KCNA5: variants seen among roughly 807,000 people sequenced by gnomAD.
KCNA5 encodes the protein potassium voltage-gated channel subfamily A member 5, also known as cardiac potassium channel.
A neutral mutation model predicts 26.5 loss-of-function variants in KCNA5; 22 were observed. The observed-to-expected ratio is 0.83, with a 90% CI of 0.59 to 1.18. KCNA5 has a LOEUF of 1.18. KCNA5 is among the 50% of genes most tolerant of loss of function. KCNA5 has a pLI of 0.00. For synonymous variants in KCNA5, 465 were observed against 372.8 expected, an observed-to-expected ratio of 1.25 and a Z score of -2.85; for missense variants, 916 against 843.2, an observed-to-expected ratio of 1.09 and a Z score of -1.07.
rs972478465 is a variant in KCNA5, at chr12:5,044,265, G to A, written c.118G>A (p.Ala40Thr). The A allele has an allele frequency of 2.6e-6, 4 of 1,542,606 alleles. No individual in the cohort carries two copies. The highest frequency in any genetic ancestry group is 1.9e-5 in the Admixed American group (1 of 51,380). ...GGGAGAGCTCCAGTGTCCCCCGACG[G>A]CTGGGCTCAGCGATGGGCCCAAGGA... ...TGGELQCPPT[A>T]GLSDGPKEPA... The change falls in exon 1 of 1, where the codon GCT becomes ACT. Residue 40 changes from alanine (A) to threonine (T), a missense_variant. Physicochemically the swap from Ala to Thr is moderately conservative, Grantham distance 58. Transcript: ENST00000252321.
Position 5,044,046 on chromosome 12 carries a change from C to T in KCNA5, c.-102C>T, listed in dbSNP as rs982590602. On this transcript the variant is annotated 5_prime_UTR_variant, in exon 1 of 1. Coordinates refer to ENST00000252321, the MANE Select transcript of KCNA5 (RefSeq NM_002234.4). ...CCAGCTCTCCCCAGAGAGGGGCCGG[C>T]CGACCGCTGGAGCGGAGCCTGACGC... is the stretch of plus-strand genomic sequence containing the variant. The T allele has an allele frequency of 1.5e-6, 2 of 1,354,708 alleles. No homozygotes were observed. The highest frequency in any genetic ancestry group is 1.0e-6 in the Non-Finnish European group (1 of 991,746). The allele number at this position is 1,354,708 out of a possible 1,614,324, so 83.9% of individuals were successfully genotyped here.
At position 5,044,216 on chromosome 12, in the gene KCNA5, G is replaced by A; in HGVS notation, c.69G>A (p.Arg23=). The stretch of plus-strand genomic sequence containing the variant: ...CCGTCAGAGGAGGCGATGAGGCCCG[G>A]GCAGGCTGCGGCCAGGCCACAGGGG... ...AMTVRGGDEA[R]AGCGQATGGE... is the part of the protein sequence containing the mutation. Residue 23 remains arginine, a synonymous_variant, in exon 1 of 1, where the codon CGG becomes CGA. Coordinates refer to ENST00000252321, the MANE Select transcript of KCNA5 (RefSeq NM_002234.4). The A allele has an allele frequency of 9.1e-6, 14 of 1,537,792 alleles. No homozygotes were observed. Among genetic ancestry groups the A allele is most frequent in the Non-Finnish European group, 1.2e-5 (14 of 1,146,840 alleles).
rs1269013277 is a variant in KCNA5, at chr12:5,044,887, G to A, written c.740G>A (p.Gly247Glu). 6.2e-7 allele frequency: 1 copy of A among 1,613,896 alleles called. No individual in the cohort carries two copies. Among genetic ancestry groups the A allele is most frequent in the African/African-American group, 1.3e-5 (1 of 75,004 alleles). ...WLIFEYPESSGSARAIAIVSV... is the reference protein window; with the variant it reads ...WLIFEYPESSESARAIAIVSV... ...ATCTTCGAGTATCCGGAGAGCTCTG[G>A]GTCCGCGCGGGCCATCGCCATCGTC... The change falls in exon 1 of 1, where the codon GGG becomes GAG. Residue 247 changes from glycine (G) to glutamate (E), a missense_variant. Transcript: ENST00000252321.
chr12:5,044,713 T>A lies in KCNA5; in HGVS notation c.566T>A (p.Val189Asp). The A allele has an allele frequency of 6.2e-7, 1 of 1,614,098 alleles. No homozygotes were observed. Among genetic ancestry groups the A allele is most frequent in the Non-Finnish European group, 8.5e-7 (1 of 1,180,010 alleles). Residue 189 changes from valine to aspartate, a missense_variant, in exon 1 of 1, where the codon GTC becomes GAC. Coordinates refer to ENST00000252321, the MANE Select transcript of KCNA5 (RefSeq NM_002234.4). Reference protein sequence around the residue: ...YQSGGRLRRPVNVSLDVFADE... With the variant: ...YQSGGRLRRPDNVSLDVFADE... ...TCCGGGGGCCGCCTGCGGAGGCCGGTCAACGTCTCCCTGGACGTGTTCGCG... is the reference window on the plus strand; with the variant it reads ...TCCGGGGGCCGCCTGCGGAGGCCGGACAACGTCTCCCTGGACGTGTTCGCG...
In KCNA5 at chr12:5,044,456, CCTGGGCACGGTGGAGGACCAGGCT is replaced by C. The variant is rs766027953; in HGVS notation, c.320_343del (p.Val107_Thr114del). On this transcript the variant is annotated inframe_deletion, in exon 1 of 1. Transcript: ENST00000252321. Reference sequence around the variant, plus strand: ...ACGAGGAGGAAGAAGGCGATCCCGGCCTGGGCACGGTGGAGGACCAGGCTCTGGGCACGGCGTCCCTGCACCACC... The same window carrying C: ...ACGAGGAGGAAGAAGGCGATCCCGGCCTGGGCACGGCGTCCCTGCACCACC... The C allele has an allele frequency of 6.2e-7, 1 of 1,610,980 alleles. No individual in the cohort carries two copies. Among genetic ancestry groups the C allele is most frequent in the Admixed American group, 1.7e-5 (1 of 59,944 alleles).
rs768740011 is a variant in KCNA5, at chr12:5,045,554, C to A, written c.1407C>A (p.Asp469Glu). ...NQGTHFSSIPDAFWWAVVTMT... is the reference protein window; with the variant it reads ...NQGTHFSSIPEAFWWAVVTMT... ...GAACCCATTTCTCTAGCATCCCTGA[C>A]GCCTTCTGGTGGGCAGTGGTCACCA... The change falls in exon 1 of 1, where the codon GAC becomes GAA. Residue 469 changes from aspartate to glutamate, a missense_variant. By Grantham distance (45) the Asp-to-Glu change is conservative. Transcript: ENST00000252321. The surrounding 1 kb of genome is among the most constrained non-coding windows in gnomAD (Gnocchi z 5.6). 1.9e-6 allele frequency: 3 copies of A among 1,614,218 alleles called. No homozygotes were observed. The highest frequency in any genetic ancestry group is 1.1e-5 in the South Asian group (1 of 91,078).
At position 5,044,214 on chromosome 12, in the gene KCNA5, C is replaced by T. The variant is rs771419005; in HGVS notation, c.67C>T (p.Arg23Trp). ...AMTVRGGDEA[R>W]AGCGQATGGE... ...GACCGTCAGAGGAGGCGATGAGGCC[C>T]GGGCAGGCTGCGGCCAGGCCACAGG... The change falls in exon 1 of 1, where the codon CGG becomes TGG. Residue 23 changes from arginine to tryptophan, a missense_variant. By Grantham distance (101) the Arg-to-Trp change is moderately radical (BLOSUM62 -3). Transcript: ENST00000252321. 5 of 1,537,858 alleles carry T rather than the reference C, an allele frequency of 3.3e-6. No homozygotes were observed. Among genetic ancestry groups the T allele is most frequent in the African/African-American group, 2.7e-5 (2 of 73,158 alleles).
rs1862761117 is a variant in KCNA5 at position 5,045,161 on chromosome 12, GCTGCTCGTGCGCTTCTTCGC to G, written c.1019_1038del (p.Leu340ProfsTer112). On this transcript the variant is annotated frameshift_variant, in exon 1 of 1. Coordinates refer to ENST00000252321, the MANE Select transcript of KCNA5 (RefSeq NM_002234.4). LOFTEE classifies it high-confidence loss of function. This position sits in a 1 kb window ranked among gnomAD's most constrained non-coding sequence, Gnocchi z 5.6. ...CGTGCGTCATCTGGTTCACCTTCGA[GCTGCTCGTGCGCTTCTTCGC>G]CTGCCCCAGCAAGGCAGGGTTCTCC... 1 of 1,614,158 alleles carries G rather than the reference GCTGCTCGTGCGCTTCTTCGC, an allele frequency of 6.2e-7. No individual in the cohort carries two copies. The highest frequency in any genetic ancestry group is 1.7e-5 in the Admixed American group (1 of 60,032).
chr12:5,044,047 C>T lies in KCNA5; in HGVS notation c.-101C>T, dbSNP rs1862738760. 1 of 1,361,480 alleles carries T rather than the reference C, an allele frequency of 7.3e-7. No homozygotes were observed. 84.3% of individuals were successfully genotyped at this position (1,361,480 alleles called of 1,614,324 possible). A position where few individuals can be genotyped will look rare whatever the true frequency, so the allele number is the denominator to read the frequency against. ...CAGCTCTCCCCAGAGAGGGGCCGGC[C>T]GACCGCTGGAGCGGAGCCTGACGCC... On this transcript the variant is annotated 5_prime_UTR_variant, in exon 1 of 1. Coordinates refer to ENST00000252321, the MANE Select transcript of KCNA5 (RefSeq NM_002234.4).
rs17221812 is a variant in KCNA5 at position 5,045,742 on chromosome 12, C to T, written c.1595C>T (p.Pro532Leu). 356 of 1,614,114 alleles carry T rather than the reference C, an allele frequency of 2.2e-4. 1 individual carries two copies. In the African/African-American group the frequency reaches 4.0e-3, roughly 18 times the overall value. ...CACCGGGAAACGGATCACGAGGAGC[C>T]GGCAGTCCTTAAGGAAGAGCAGGGC... Reference protein sequence around the residue: ...FYHRETDHEEPAVLKEEQGTQ... With the variant: ...FYHRETDHEELAVLKEEQGTQ... Residue 532 changes from proline to leucine, a missense_variant, in exon 1 of 1, where the codon CCG becomes CTG. Coordinates refer to ENST00000252321, the MANE Select transcript of KCNA5 (RefSeq NM_002234.4). This position sits in a 1 kb window ranked among gnomAD's most constrained non-coding sequence, Gnocchi z 5.6.
rs547432787 is a variant in KCNA5 at position 5,044,096 on chromosome 12, G to T, written c.-52G>T. 5.8e-4 allele frequency: 893 copies of T among 1,529,390 alleles called. 3 individuals carry two copies. In the African/African-American group the frequency reaches 0.01, roughly 18 times the overall value. 94.7% of individuals were successfully genotyped at this position (1,529,390 alleles called of 1,614,324 possible). ...CCAGGCGCCCGCGGAGCGTGAGTAG[G>T]GGGCGCGGGAGCCGGTCAGCTGGGG... is the stretch of plus-strand genomic sequence containing the variant. On this transcript the variant is annotated 5_prime_UTR_variant, in exon 1 of 1. Transcript: ENST00000252321.
rs761415972 is a variant in KCNA5, at chr12:5,045,560, C to T, written c.1413C>T (p.Phe471=). 5 of 1,614,236 alleles carry T rather than the reference C, an allele frequency of 3.1e-6. No homozygotes were observed. The highest frequency in any genetic ancestry group is 4.2e-6 in the Non-Finnish European group (5 of 1,180,050). The change falls in exon 1 of 1, where the codon TTC becomes TTT. Residue 471 remains phenylalanine (F), a synonymous_variant. Transcript: ENST00000252321. This position sits in a 1 kb window ranked among gnomAD's most constrained non-coding sequence, Gnocchi z 5.6. ...GTHFSSIPDA[F]WWAVVTMTTV... is the part of the protein sequence containing the mutation. Reference sequence around the variant, plus strand: ...ATTTCTCTAGCATCCCTGACGCCTTCTGGTGGGCAGTGGTCACCATGACCA... The same window carrying T: ...ATTTCTCTAGCATCCCTGACGCCTTTTGGTGGGCAGTGGTCACCATGACCA...
Position 5,044,706 on chromosome 12 carries a change from A to G in KCNA5, c.559A>G (p.Arg187Gly), listed in dbSNP as rs1862751370. The change falls in exon 1 of 1, where the codon AGG becomes GGG. Residue 187 changes from arginine (R) to glycine (G), a missense_variant. Arg to Gly is a moderately radical substitution (Grantham distance 125). Coordinates refer to ENST00000252321, the MANE Select transcript of KCNA5 (RefSeq NM_002234.4). The stretch of plus-strand genomic sequence containing the variant: ...CTACCAGTCCGGGGGCCGCCTGCGG[A>G]GGCCGGTCAACGTCTCCCTGGACGT... ...YYYQSGGRLR[R>G]PVNVSLDVFA... 2 of 1,614,110 alleles carry G rather than the reference A, an allele frequency of 1.2e-6. No homozygotes were observed. Among genetic ancestry groups the G allele is most frequent in the Non-Finnish European group, 1.7e-6 (2 of 1,180,020 alleles).
Position 5,045,896 on chromosome 12 carries a change from A to G in KCNA5, c.1749A>G (p.Leu583=), listed in dbSNP as rs1442773067. ...ADSARRGSCP[L]EKCNVKAKSN... The stretch of plus-strand genomic sequence containing the variant: ...GTGCCCGAAGGGGCAGCTGCCCCCT[A>G]GAGAAGTGTAACGTCAAGGCCAAGA... The change falls in exon 1 of 1, where the codon CTA becomes CTG. Residue 583 remains leucine (L), a synonymous_variant. Coordinates refer to ENST00000252321, the MANE Select transcript of KCNA5 (RefSeq NM_002234.4). The surrounding 1 kb of genome is among the most constrained non-coding windows in gnomAD (Gnocchi z 5.6). The G allele has an allele frequency of 6.2e-7, 1 of 1,614,106 alleles. No individual in the cohort carries two copies.
Position 5,044,022 on chromosome 12 carries a change from C to T in KCNA5, c.-126C>T, listed in dbSNP as rs1862738450. ...AGCGAGGGGATCGCGCCAGCAACCC[C>T]AGCTCTCCCCAGAGAGGGGCCGGCC... On this transcript the variant is annotated 5_prime_UTR_variant, in exon 1 of 1. Transcript: ENST00000252321. 3.8e-6 allele frequency: 4 copies of T among 1,041,712 alleles called. No individual in the cohort carries two copies. The African/African-American group carries it at 4.8e-5, about 12-fold the overall frequency. 64.5% of individuals were successfully genotyped at this position (1,041,712 alleles called of 1,614,324 possible).
At position 5,044,700 on chromosome 12, in the gene KCNA5, C is replaced by T; in HGVS notation, c.553C>T (p.Leu185=). Reference sequence around the variant, plus strand: ...CTACTACTACCAGTCCGGGGGCCGCCTGCGGAGGCCGGTCAACGTCTCCCT... The same window carrying T: ...CTACTACTACCAGTCCGGGGGCCGCTTGCGGAGGCCGGTCAACGTCTCCCT... ...ILYYYQSGGR[L]RRPVNVSLDV... Residue 185 remains leucine (L), a synonymous_variant, in exon 1 of 1, where the codon CTG becomes TTG. Transcript: ENST00000252321. 2.5e-6 allele frequency: 4 copies of T among 1,614,162 alleles called. No individual in the cohort carries two copies. Among genetic ancestry groups the T allele is most frequent in the Non-Finnish European group, 2.5e-6 (3 of 1,180,042 alleles).
Position 5,044,348 on chromosome 12 carries a change from G to A in KCNA5, c.201G>A (p.Leu67=). ...QRDADSGVRP[L]PPLPDPGVRP... ...ACGCGGACTCGGGAGTGCGGCCCTT[G>A]CCTCCGCTGCCGGACCCGGGAGTGC... The change falls in exon 1 of 1, where the codon TTG becomes TTA. Residue 67 remains leucine, a synonymous_variant. Coordinates refer to ENST00000252321, the MANE Select transcript of KCNA5 (RefSeq NM_002234.4). 1 of 1,546,112 alleles carries A rather than the reference G, an allele frequency of 6.5e-7. No individual in the cohort carries two copies. The highest frequency in any genetic ancestry group is 1.2e-5 in the South Asian group (1 of 84,370).
Position 5,044,869 on chromosome 12 carries a change from A to T in KCNA5, c.722A>T (p.Glu241Val), listed in dbSNP as rs1322442076. The change falls in exon 1 of 1, where the codon GAG becomes GTG. Residue 241 changes from glutamate to valine, a missense_variant. Physicochemically the swap from Glu to Val is moderately radical, Grantham distance 121 (BLOSUM62 -2). Transcript: ENST00000252321. Reference sequence around the variant, plus strand: ...CAGCGCCAGGTGTGGCTTATCTTCGAGTATCCGGAGAGCTCTGGGTCCGCG... The same window carrying T: ...CAGCGCCAGGTGTGGCTTATCTTCGTGTATCCGGAGAGCTCTGGGTCCGCG... ...EFQRQVWLIF[E>V]YPESSGSARA... 1 of 1,613,974 alleles carries T rather than the reference A, an allele frequency of 6.2e-7. No homozygotes were observed. Among genetic ancestry groups the T allele is most frequent in the Admixed American group, 1.7e-5 (1 of 60,022 alleles).
In KCNA5 at chr12:5,046,392, G is replaced by A; in HGVS notation, c.*403G>A. ...ACATATGATTGTATTTGTGTATAGGGGAAAATATTATTTTTATGCCTGGTA... is the reference window on the plus strand; with the variant it reads ...ACATATGATTGTATTTGTGTATAGGAGAAAATATTATTTTTATGCCTGGTA... On this transcript the variant is annotated 3_prime_UTR_variant, in exon 1 of 1. Coordinates refer to ENST00000252321, the MANE Select transcript of KCNA5 (RefSeq NM_002234.4). 1 of 234,858 alleles carries A rather than the reference G, an allele frequency of 4.3e-6. No individual in the cohort carries two copies. 14.5% of individuals were successfully genotyped at this position (234,858 alleles called of 1,614,324 possible). A position where few individuals can be genotyped will look rare whatever the true frequency, so the allele number is the denominator to read the frequency against.
Sources: gnomAD v4.1 joint callset for allele counts on GRCh38, gnomAD v4.1.1 for gene constraint, Gnocchi (gnomAD v3.1) non-coding constraint, MANE v1.5 for transcripts, NCBI Gene and HGNC (gene_info 2026-07-23, HGNC 2026-07-21) for gene names.